Variants in SCAPER observed in about 807,000 individuals in gnomAD.
SCAPER encodes the protein S-phase cyclin A associated protein in the ER.
A neutral mutation model predicts 182.2 loss-of-function variants in SCAPER; 98 were observed. The observed-to-expected ratio is 0.54, with a 90% CI of 0.46 to 0.64. The LOEUF is 0.64. Ranked by LOEUF, SCAPER falls within the 30% of genes least tolerant of loss-of-function variation. SCAPER has a pLI of 0.00. For missense variants in SCAPER, 1,432 were observed against 1,690.0 expected (o/e 0.85, Z 2.68); for synonymous variants, 605 against 564.6 (o/e 1.07, Z -1.01).
intron 18 of SCAPER, among the ~76,000 whole-genome samples, chr15:76,703,827 T>C (rs537763186): frequency 6.6e-6 from 1 of 152,316 alleles, no homozygotes; most frequent in South Asian, 2.1e-4. Flanking sequence ...TATCTCTGCA[T>C]TCCCCTGCCT....
intron 23 of SCAPER, among the ~76,000 whole-genome samples, chr15:76,552,845 C>T (rs2045894065): frequency 1.3e-5 from 2 of 152,198 alleles, no homozygotes; most frequent in African/African-American, 2.4e-5. Context: ...ATGGTTAGTC[C>T]GATCATAGCG....
intron 21 of SCAPER, among the ~76,000 whole-genome samples, chr15:76,656,586 C>T (rs896626486): frequency 2.6e-5 from 4 of 152,098 alleles, no homozygotes; most frequent in African/African-American, 9.7e-5. Flanking sequence ...CCCAAAACAA[C>T]ATAATACACA....
At chr15:76,618,266 CA>C (rs1181714136) in intron 22 of SCAPER, among the ~76,000 whole-genome samples, 5 of 151,892 alleles carry the variant, frequency 3.3e-5, no homozygotes, top group Non-Finnish European at 7.4e-5. Context: ...TCTCAAAAAA[CA>C]AAAACAAAAA....
At chr15:76,804,834 A>T (rs1484677146) in intron 5 of SCAPER, among the ~76,000 whole-genome samples, 1 of 152,206 alleles carries the variant, frequency 6.6e-6, no homozygotes, top group African/African-American at 2.4e-5. Context: ...CTAAAGACCA[A>T]GAAATGATAT....
At chr15:76,472,218 A>G in intron 24 of SCAPER, 1 of 528,400 alleles carries the variant, frequency 1.9e-6, no homozygotes, top group Non-Finnish European at 3.7e-6. Flanking sequence ...GCCCAACCCT[A>G]AAAAGTCCCC....
At chr15:76,618,014 T>G (rs1271519015) in intron 22 of SCAPER, among the ~76,000 whole-genome samples, 1 of 152,178 alleles carries the variant, frequency 6.6e-6, no homozygotes, top group African/African-American at 2.4e-5. Flanking sequence ...ATCCCAGCAC[T>G]TCGGGAGGCC....
chr15:76,588,147 C>T (rs1324774973), intron 22 of SCAPER, among the ~76,000 whole-genome samples: 1 of 152,208 alleles, frequency 6.6e-6, no homozygotes, highest in Non-Finnish European at 1.5e-5. Context: ...TGGTCTTGAT[C>T]TCCTGACCTC....
At position 76,535,668 on chromosome 15, in the gene SCAPER, G is replaced by C. The variant is rs11856332; in HGVS notation, c.2839-30694C>G. On this transcript the variant is annotated intron_variant, in intron 23 of 31. Transcript: ENST00000563290. ...AACATACAGGTATTGCTGGCCTACAGGTATTGCTGGCCTACAGAAATGCAC... is the reference window on the plus strand; with the variant it reads ...AACATACAGGTATTGCTGGCCTACACGTATTGCTGGCCTACAGAAATGCAC... 8.1e-3 allele frequency among the ~76,000 whole-genome samples: 1,239 copies of C among 152,072 alleles called. 12 individuals are homozygous for C. Among genetic ancestry groups the C allele is most frequent in the African/African-American group, 0.028 (1,175 of 41,474 alleles).
At chr15:76,839,538 G>A (rs2069259449) in intron 5 of SCAPER, among the ~76,000 whole-genome samples, 1 of 152,222 alleles carries the variant, frequency 6.6e-6, no homozygotes, top group African/African-American at 2.4e-5. Context: ...GTAAGTCTTG[G>A]ATGAGGAGAA....
chr15:76,683,581 T>C (rs1463623815), intron 20 of SCAPER, among the ~76,000 whole-genome samples: 1 of 151,632 alleles, frequency 6.6e-6, no homozygotes, highest in Non-Finnish European at 1.5e-5. Flanking sequence ...CTATACAAGA[T>C]GGCCATCCCC....
chr15:76,819,197 G>C (rs142095757), intron 5 of SCAPER, among the ~76,000 whole-genome samples: 98 of 152,352 alleles, frequency 6.4e-4, no homozygotes, highest in African/African-American at 2.2e-3. Flanking sequence ...AGTAGCCTCT[G>C]CAGACTTTAA....
chr15:76,665,553 T>A (rs575874069), intron 21 of SCAPER, 100 bp downstream of exon 21: 2 of 1,368,246 alleles, frequency 1.5e-6, no homozygotes, highest in Admixed American at 2.9e-5. Flanking sequence ...AAGGCTTTCA[T>A]GAAGCAAACA....
At chr15:76,471,100 T>TC (rs34088021) in intron 25 of SCAPER, 112 bp downstream of exon 25, 157,311 of 428,316 alleles carry the variant, frequency 0.37, 19,417 homozygotes, top group Admixed American at 0.47. Flanking sequence ...TTCTTCTTCT[T>TC]TTTTTTTTTT....
chr15:76,373,801 C>A (rs2042348984), intron 29 of SCAPER, among the ~76,000 whole-genome samples: 1 of 152,180 alleles, frequency 6.6e-6, no homozygotes, highest in Non-Finnish European at 1.5e-5. Context: ...CTTGAGGTAT[C>A]AGAGGCATCA....
At chr15:76,392,682 T>C (rs1248628294) in intron 27 of SCAPER, among the ~76,000 whole-genome samples, 1 of 152,152 alleles carries the variant, frequency 6.6e-6, no homozygotes, top group African/African-American at 2.4e-5. Context: ...GCCTGGAGGA[T>C]TGAGGCTGCA....
intron 23 of SCAPER, among the ~76,000 whole-genome samples, chr15:76,562,148 C>CAAAAA (rs66722088): frequency 0.012 from 880 of 73,776 alleles, 18 homozygotes; most frequent in Non-Finnish European, 0.015. Context: ...AACTTCATCT[C>CAAAAA]AAAAAAAAAA....
At chr15:76,845,940 G>A (rs951307832) in intron 4 of SCAPER, among the ~76,000 whole-genome samples, 2 of 151,728 alleles carry the variant, frequency 1.3e-5, no homozygotes, top group Admixed American at 1.3e-4. Flanking sequence ...CTGAATTAAA[G>A]TTATACTAAA....
chr15:76,443,055 A>G (rs1282574065), intron 25 of SCAPER, among the ~76,000 whole-genome samples: 3 of 152,178 alleles, frequency 2.0e-5, no homozygotes, highest in Admixed American at 2.0e-4. Flanking sequence ...CACTGAGGGA[A>G]TCACCTTCTA....
At chr15:76,722,076 C>A (rs974045291) in intron 17 of SCAPER, among the ~76,000 whole-genome samples, 1 of 152,108 alleles carries the variant, frequency 6.6e-6, no homozygotes, top group African/African-American at 2.4e-5. Flanking sequence ...CAATAGATAG[C>A]TCTTATTATT....
Sources: gnomAD v4.1 joint callset for allele counts (sites outside exome capture counted in the v4.1 genomes callset) on GRCh38, gnomAD v4.1.1 for gene constraint, MANE v1.5 for transcripts, NCBI Gene and HGNC (gene_info 2026-07-23, HGNC 2026-07-21) for gene names.